The following DIAPH2 variants were observed in gnomAD, a reference collection of about 807,000 sequenced individuals.
DIAPH2 encodes the protein diaphanous related formin 2, also known as protein diaphanous homolog 2.
A neutral mutation model predicts 92.7 loss-of-function variants in DIAPH2; 35 were observed. That is an observed-to-expected ratio of 0.38 (90% confidence interval 0.29 to 0.50). The LOEUF is 0.50. Ranked by LOEUF, DIAPH2 falls within the 20% of genes least tolerant of loss-of-function variation. The pLI is 0.94. For synonymous variants in DIAPH2, 301 were observed against 280.4 expected, an observed-to-expected ratio of 1.07 and a Z score of -0.73; for missense variants, 701 against 819.5, an observed-to-expected ratio of 0.86 and a Z score of 1.77.
At chrX:96,840,575 C>G (rs760320513) in intron 4 of DIAPH2, among the ~76,000 whole-genome samples, 9 of 110,735 alleles carry the variant, frequency 8.1e-5, no homozygotes, top group Non-Finnish European at 1.1e-4. Flanking sequence ...CTTGAAGTAG[C>G]CTTTTCCTGT....
chrX:97,410,714 C>T (rs942899087), intron 25 of DIAPH2, among the ~76,000 whole-genome samples: 4 of 110,669 alleles, frequency 3.6e-5, no homozygotes, highest in Non-Finnish European at 7.6e-5. Flanking sequence ...AGAGAAGACA[C>T]CTGATGGAGC....
chrX:97,305,824 C>CAAAAAAAA (rs754094514), intron 23 of DIAPH2, among the ~76,000 whole-genome samples: 6 of 49,219 alleles, frequency 1.2e-4, no homozygotes, highest in African/African-American at 1.5e-4. Context: ...ACTCCTTCTC[C>CAAAAAAAA]AAAAAAAAAA....
intron 26 of DIAPH2, among the ~76,000 whole-genome samples, chrX:97,556,220 G>A (rs955742390): frequency 7.2e-5 from 8 of 111,491 alleles, no homozygotes; most frequent in Non-Finnish European, 3.8e-5. Flanking sequence ...TCTCTTATGC[G>A]GACTGAGAAA....
intron 10 of DIAPH2, among the ~76,000 whole-genome samples, chrX:96,934,674 T>G (rs967991082): frequency 8.1e-5 from 6 of 74,404 alleles, no homozygotes; most frequent in African/African-American, 2.2e-4. Context: ...GTATTTCATT[T>G]ATATGGAATT....
intron 26 of DIAPH2, among the ~76,000 whole-genome samples, chrX:97,464,236 G>A (rs1307924717): frequency 3.0e-5 from 3 of 98,615 alleles, no homozygotes; most frequent in African/African-American, 1.1e-4. Context: ...AGGCCGAGGC[G>A]GGCAGATCAC....
At chrX:96,916,052 T>C (rs1369162284) in intron 7 of DIAPH2, among the ~76,000 whole-genome samples, 2 of 111,845 alleles carry the variant, frequency 1.8e-5, no homozygotes, top group African/African-American at 3.2e-5. Flanking sequence ...ACAAACATAT[T>C]GGACAATTTA....
chrX:97,466,962 T>A (rs986122545), intron 26 of DIAPH2, among the ~76,000 whole-genome samples: 5 of 112,273 alleles, frequency 4.5e-5, no homozygotes, highest in African/African-American at 1.3e-4. Context: ...AAGTGAAAAG[T>A]ATTGTGTATA....
chrX:97,535,857 G>A (rs937837882), intron 26 of DIAPH2, among the ~76,000 whole-genome samples: 1 of 112,224 alleles, frequency 8.9e-6, no homozygotes, highest in Non-Finnish European at 1.9e-5. Flanking sequence ...ACTGATTATT[G>A]TTTCAAGTAC....
intron 4 of DIAPH2, among the ~76,000 whole-genome samples, chrX:96,786,986 C>T (rs925631373): frequency 7.2e-5 from 8 of 111,656 alleles, no homozygotes; most frequent in African/African-American, 2.6e-4. Flanking sequence ...ATTTCTTTTT[C>T]TTATAGTTTA....
intron 19 of DIAPH2, among the ~76,000 whole-genome samples, chrX:97,079,201 C>CAAA (rs780021897): frequency 4.1e-4 from 46 of 111,122 alleles, no homozygotes; most frequent in African/African-American, 1.5e-3. Context: ...CCCCTATATA[C>CAAA]ACCAGAAGTT....
rs191773512 is a variant in DIAPH2, at chrX:97,128,574, T to G, written c.2590-13091T>G. On this transcript the variant is annotated intron_variant, in intron 21 of 26. Transcript: ENST00000324765. The stretch of plus-strand genomic sequence containing the variant: ...CAAGACCCCATCTTAACAAAAAATT[T>G]ACTCACTTTAGGCATACAGTTAGAT... Among the ~76,000 whole-genome samples the G allele has an allele frequency of 4.5e-5, 5 of 111,754 alleles. No individual in the cohort carries two copies. The East Asian group carries it at 1.4e-3, about 31-fold the overall frequency.
intron 22 of DIAPH2, among the ~76,000 whole-genome samples, chrX:97,192,686 T>C (rs1360132654): frequency 8.9e-6 from 1 of 111,916 alleles, no homozygotes; most frequent in Non-Finnish European, 1.9e-5. Flanking sequence ...TTTTATGAGA[T>C]GACGGTGATG....
intron 23 of DIAPH2, among the ~76,000 whole-genome samples, chrX:97,297,194 T>A (rs1029549151): frequency 1.0e-5 from 1 of 97,666 alleles, no homozygotes; most frequent in African/African-American, 3.8e-5. Context: ...GTCTGACATA[T>A]AGAAATTACA....
At chrX:97,188,556 T>C (rs949783560) in intron 22 of DIAPH2, among the ~76,000 whole-genome samples, 12 of 112,105 alleles carry the variant, frequency 1.1e-4, no homozygotes, top group African/African-American at 2.9e-4. Context: ...TGTTGAAAAA[T>C]TACTAGAAGT....
At chrX:97,060,631 A>G (rs754329859) in intron 17 of DIAPH2, among the ~76,000 whole-genome samples, 2 of 111,805 alleles carry the variant, frequency 1.8e-5, no homozygotes, top group East Asian at 5.6e-4. Flanking sequence ...ATATGCCTTT[A>G]TAAACAGTAT....
Position 96,883,679 on chromosome X carries a change from C to G in DIAPH2, c.587+1961C>G, listed in dbSNP as rs3138317. On this transcript the variant is annotated intron_variant, in intron 5 of 26. Transcript: ENST00000324765. ...ACAGGCGTGAGCCACTGCGCCCGGC[C>G]TGATGCTCCTAGTTTTAATGGTTTG... Among the ~76,000 whole-genome samples the G allele has an allele frequency of 8.1e-4, 90 of 111,020 alleles. 2 individuals are homozygous for G. In the East Asian group the frequency reaches 0.024, roughly 30 times the overall value.
intron 23 of DIAPH2, among the ~76,000 whole-genome samples, chrX:97,294,341 T>A (rs1038515215): frequency 7.1e-5 from 8 of 112,059 alleles, no homozygotes; most frequent in African/African-American, 2.6e-4. Flanking sequence ...TTAGAAACAT[T>A]CCAGTTCGTT....
At chrX:97,174,691 T>G (rs1003109469) in intron 22 of DIAPH2, among the ~76,000 whole-genome samples, 1 of 112,271 alleles carries the variant, frequency 8.9e-6, no homozygotes, top group African/African-American at 3.2e-5. Context: ...TGGGGTTAGA[T>G]TTCTACTGGT....
chrX:97,239,462 A>G (rs1172832611), intron 22 of DIAPH2, among the ~76,000 whole-genome samples: 1 of 112,004 alleles, frequency 8.9e-6, no homozygotes, highest in Non-Finnish European at 1.9e-5. Context: ...TTAAAAGGTT[A>G]TTTATGGAGT....
Sources: gnomAD v4.1 joint callset for allele counts (sites outside exome capture counted in the v4.1 genomes callset) on GRCh38, gnomAD v4.1.1 for gene constraint, MANE v1.5 for transcripts, NCBI Gene and HGNC (gene_info 2026-07-23, HGNC 2026-07-21) for gene names.